The following STON1 variants were observed in gnomAD, a reference collection of about 807,000 sequenced individuals.
STON1 encodes the protein stonin-1.
Under a neutral mutation model 60.9 loss-of-function variants are expected in STON1, and 79 were observed. That is an observed-to-expected ratio of 1.30 (90% CI 1.08 to 1.56). The LOEUF is 1.56. STON1 is among the 40% of genes most tolerant of loss of function. STON1 has a pLI of 0.00. For synonymous variants in STON1, 363 were observed against 306.9 expected, an observed-to-expected ratio of 1.18 and a Z score of -1.91; for missense variants, 1,166 against 858.9, an observed-to-expected ratio of 1.36 and a Z score of -4.47.
At chr2:48,579,325 T>TC (rs1673737470) in intron 1 of STON1, among the ~76,000 whole-genome samples, 2 of 152,050 alleles carry the variant, frequency 1.3e-5, no homozygotes, top group African/African-American at 4.8e-5. Context: ...CTTTTTTTTT[T>TC]TGAGACGGAG....
At chr2:48,533,257 C>G (rs1432962250) in intron 1 of STON1, among the ~76,000 whole-genome samples, 1 of 152,016 alleles carries the variant, frequency 6.6e-6, no homozygotes, top group African/African-American at 2.4e-5. Flanking sequence ...TGGCGGGCAC[C>G]TATAATCCCA....
chr2:48,580,355 C>T (rs1055872207), intron 1 of STON1, among the ~76,000 whole-genome samples: 2 of 152,180 alleles, frequency 1.3e-5, no homozygotes, highest in African/African-American at 4.8e-5. Context: ...TCTTGGATAA[C>T]ATTTGCATGG....
Position 48,564,483 on chromosome 2 carries a change from CTTCTTCTTCTTCTTCTT to C in STON1, c.-47-16103_-47-16087del, listed in dbSNP as rs1672791716. Among the ~76,000 whole-genome samples, 10 of 26,404 alleles carry C rather than the reference CTTCTTCTTCTTCTTCTT, an allele frequency of 3.8e-4. 2 individuals are homozygous for C. The highest frequency in any genetic ancestry group is 5.5e-4 in the Non-Finnish European group (7 of 12,720). 17.3% of individuals were successfully genotyped at this position (26,404 alleles called of 152,430 possible). A position where few individuals can be genotyped will look rare whatever the true frequency, so the allele number is the denominator to read the frequency against. On this transcript the variant is annotated intron_variant, in intron 1 of 3. Transcript: ENST00000404752. ...CTTCTTCTTCTTCTTCTTCTTCTTT[CTTCTTCTTCTTCTTCTT>C]CTTCTTCTTCTTCTTCTTCTTCTTC...
At chr2:48,570,287 T>C (rs1673137657) in intron 1 of STON1, among the ~76,000 whole-genome samples, 1 of 152,018 alleles carries the variant, frequency 6.6e-6, no homozygotes, top group Non-Finnish European at 1.5e-5. Context: ...TGAGCTGAGA[T>C]TGCACCACTG....
At chr2:48,585,359 T>C (rs894921124) in intron 2 of STON1, among the ~76,000 whole-genome samples, 9 of 152,118 alleles carry the variant, frequency 5.9e-5, no homozygotes, top group Non-Finnish European at 8.8e-5. Context: ...GCAATTCTAG[T>C]GGCTCAACCT....
chr2:48,582,417 C>T lies in STON1; in HGVS notation c.1784C>T (p.Ala595Val), dbSNP rs768358803. The T allele has an allele frequency of 1.4e-5, 23 of 1,614,044 alleles. No individual in the cohort carries two copies. The Admixed American group carries it at 3.7e-4, about 26-fold the overall frequency. The change falls in exon 2 of 4, where the codon GCT (alanine) becomes GTT (valine). Residue 595 changes from alanine to valine, a missense_variant. Physicochemically the swap from Ala to Val is moderately conservative, Grantham distance 64 (BLOSUM62 0). Coordinates refer to ENST00000404752, the MANE Select transcript of STON1 (RefSeq NM_006873.4). ...CTCCAGAGGCAGAAGTCTCTGAAAG[C>T]TAAAATGAACCGCCGAGCATGTCTG... The part of the protein sequence containing the change: ...MNLQRQKSLK[A>V]KMNRRACLGS...
rs777656488 is a variant in STON1 at position 48,581,653 on chromosome 2, A to G, written c.1020A>G (p.Val340=). 1.2e-6 allele frequency: 2 copies of G among 1,613,982 alleles called. No individual in the cohort carries two copies. Among genetic ancestry groups the G allele is most frequent in the Non-Finnish European group, 1.7e-6 (2 of 1,179,994 alleles). The change falls in exon 2 of 4, where the codon GTA becomes GTG. Residue 340 remains valine, a synonymous_variant. Transcript: ENST00000404752. ...LSEPKVENFS[V]AGKIHTVKIE... is the part of the protein sequence containing the mutation. ...AACCCAAGGTTGAGAACTTCAGTGT[A>G]GCAGGAAAAATCCACACTGTGAAGA...
intron 2 of STON1, among the ~76,000 whole-genome samples, chr2:48,585,806 C>T (rs1235113151): frequency 6.6e-6 from 1 of 152,224 alleles, no homozygotes; most frequent in Non-Finnish European, 1.5e-5. Flanking sequence ...CTGCAGGTTT[C>T]CCCTGAAATC....
intron 1 of STON1, among the ~76,000 whole-genome samples, chr2:48,532,602 G>T (rs1671258325): frequency 6.6e-6 from 1 of 152,114 alleles, no homozygotes; most frequent in Non-Finnish European, 1.5e-5. Flanking sequence ...ACCTTATACT[G>T]TTTACAGAAA....
chr2:48,585,745 A>G (rs1674173190), intron 2 of STON1, among the ~76,000 whole-genome samples: 1 of 152,216 alleles, frequency 6.6e-6, no homozygotes, highest in Admixed American at 6.5e-5. Context: ...AGGGAAAGAG[A>G]GGCAGGCAGA....
At chr2:48,544,059 A>G (rs1338489795) in intron 1 of STON1, among the ~76,000 whole-genome samples, 1 of 152,186 alleles carries the variant, frequency 6.6e-6, no homozygotes. Context: ...GTTTCACAAC[A>G]GTCATTTATC....
chr2:48,554,309 C>G (rs1031892224), intron 1 of STON1, among the ~76,000 whole-genome samples: 21 of 152,146 alleles, frequency 1.4e-4, no homozygotes, highest in African/African-American at 4.8e-4. Flanking sequence ...GCAACCTCCA[C>G]CTCCCTGGTT....
chr2:48,553,788 T>G (rs11125176), intron 1 of STON1, among the ~76,000 whole-genome samples: 47,770 of 152,074 alleles, frequency 0.31, 7,740 homozygotes, highest in East Asian at 0.39. Flanking sequence ...ATGACTGGCC[T>G]TAGACCCCTT....
intron 1 of STON1, among the ~76,000 whole-genome samples, chr2:48,575,819 C>T (rs1225102362): frequency 2.3e-5 from 3 of 131,392 alleles, no homozygotes; most frequent in African/African-American, 5.7e-5. Flanking sequence ...AGTGCAATGG[C>T]GTGATACCCA....
In STON1 at chr2:48,582,173, C is replaced by G; in HGVS notation, c.1540C>G (p.Leu514Val). The G allele has an allele frequency of 1.2e-6, 2 of 1,614,226 alleles. No homozygotes were observed. Among genetic ancestry groups the G allele is most frequent in the Non-Finnish European group, 1.7e-6 (2 of 1,180,038 alleles). Residue 514 changes from leucine (L) to valine (V), a missense_variant, in exon 2 of 4, where the codon CTG (leucine) becomes GTG (valine). Coordinates refer to ENST00000404752, the MANE Select transcript of STON1 (RefSeq NM_006873.4). The part of the protein sequence containing the change: ...FVPLDACRFE[L>V]MRFKTLYNGD... ...ACCTCTGGATGCCTGCCGGTTTGAGCTGATGCGTTTCAAGACTTTGTATAA... is the reference window on the plus strand; with the variant it reads ...ACCTCTGGATGCCTGCCGGTTTGAGGTGATGCGTTTCAAGACTTTGTATAA...
chr2:48,581,092 T>C lies in STON1; in HGVS notation c.459T>C (p.Asp153=). ...THPTPKVGLP[D]EVNPQQAESL... is the part of the protein sequence containing the mutation. ...CAACTCCCAAAGTAGGTCTTCCAGA[T>C]GAAGTTAATCCTCAACAGGCTGAAA... Residue 153 remains aspartate (D), a synonymous_variant, in exon 2 of 4, where the codon GAT becomes GAC. Transcript: ENST00000404752. The C allele has an allele frequency of 6.2e-7, 1 of 1,601,750 alleles. No individual in the cohort carries two copies. The highest frequency in any genetic ancestry group is 8.5e-7 in the Non-Finnish European group (1 of 1,175,498).
In STON1 at chr2:48,581,293, C is replaced by A. The variant is rs1158496795; in HGVS notation, c.660C>A (p.Ser220Arg). ...AGGAGATGCCTATTGACCAAAAAAG[C>A]CTAAATAAGTGTTCACTCAACTATA... Reference protein sequence around the residue: ...RNKEMPIDQKSLNKCSLNYIC... With the variant: ...RNKEMPIDQKRLNKCSLNYIC... Residue 220 changes from serine (S) to arginine (R), a missense_variant, in exon 2 of 4, where the codon AGC (serine) becomes AGA (arginine). By Grantham distance (110) the Ser-to-Arg change is moderately radical (BLOSUM62 -1). Coordinates refer to ENST00000404752, the MANE Select transcript of STON1 (RefSeq NM_006873.4). 6.6e-7 allele frequency: 1 copy of A among 1,521,790 alleles called. No homozygotes were observed. The highest frequency in any genetic ancestry group is 1.3e-5 in the South Asian group (1 of 74,732). The allele number at this position is 1,521,790 out of a possible 1,614,324, so 94.3% of individuals were successfully genotyped here.
At chr2:48,558,373 G>A (rs1174529577) in intron 1 of STON1, among the ~76,000 whole-genome samples, 1 of 152,220 alleles carries the variant, frequency 6.6e-6, no homozygotes, top group African/African-American at 2.4e-5. Context: ...TAATTCAGCA[G>A]TACTTGCCTG....
At chr2:48,568,561 G>C (rs1329719969) in intron 1 of STON1, among the ~76,000 whole-genome samples, 3 of 151,952 alleles carry the variant, frequency 2.0e-5, no homozygotes, top group Admixed American at 2.0e-4. Flanking sequence ...AAATTACAGA[G>C]AATACTGGAA....
Sources: allele counts gnomAD v4.1 joint callset (sites outside exome capture counted in the v4.1 genomes callset), GRCh38; gene constraint gnomAD v4.1.1; transcripts MANE v1.5; gene names NCBI Gene and HGNC (gene_info 2026-07-23, HGNC 2026-07-21).